Variants in FGF14 observed in about 807,000 individuals in gnomAD.
FGF14 encodes fibroblast growth factor 14, also known as fibroblast growth factor homologous factor 4.
FGF14 carries 5 observed loss-of-function variants against 25.5 expected under a neutral mutation model. The observed-to-expected ratio is 0.20, with a 90% CI of 0.10 to 0.41. FGF14 has a LOEUF of 0.41. FGF14 is among the 10% of genes least tolerant of loss of function. FGF14 has a pLI of 1.00. For missense variants in FGF14, 222 were observed against 320.1 expected (o/e 0.69, Z 2.34); for synonymous variants, 138 against 118.3 (o/e 1.17, Z -1.08).
At chr13:102,219,834 C>T (rs1248763611) in intron 1 of FGF14, among the ~76,000 whole-genome samples, 1 of 152,058 alleles carries the variant, frequency 6.6e-6, no homozygotes, top group East Asian at 1.9e-4. Context: ...GAAACCTAAC[C>T]CAGGGACATT....
chr13:101,758,589 A>T (rs1262429695), intron 3 of FGF14, among the ~76,000 whole-genome samples: 1 of 152,210 alleles, frequency 6.6e-6, no homozygotes, highest in Non-Finnish European at 1.5e-5. Flanking sequence ...AACCATAAAG[A>T]CACAATAACT....
chr13:101,811,641 G>A (rs1215148339), intron 3 of FGF14, among the ~76,000 whole-genome samples: 1 of 152,208 alleles, frequency 6.6e-6, no homozygotes, highest in Non-Finnish European at 1.5e-5. Flanking sequence ...GGACATGATT[G>A]CTGGATTGAT....
intron 1 of FGF14, among the ~76,000 whole-genome samples, chr13:102,277,403 A>G (rs1342771789): frequency 2.0e-5 from 3 of 152,340 alleles, no homozygotes; most frequent in Admixed American, 6.5e-5. Context: ...AGGGCACTCA[A>G]TGCCCTCCCT....
intron 1 of FGF14, among the ~76,000 whole-genome samples, chr13:102,398,303 G>C (rs371275366): frequency 6.6e-6 from 1 of 151,986 alleles, no homozygotes; most frequent in Non-Finnish European, 1.5e-5. Flanking sequence ...CCTTAAATTC[G>C]TAACTCTATT....
chr13:102,123,045 TGGGC>T (rs2045799615), intron 1 of FGF14, among the ~76,000 whole-genome samples: 1 of 152,158 alleles, frequency 6.6e-6, no homozygotes, highest in African/African-American at 2.4e-5. Flanking sequence ...GATTTTAAGA[TGGGC>T]AGCATTACAA....
intron 1 of FGF14, among the ~76,000 whole-genome samples, chr13:101,976,091 CAG>C (rs2037905393): frequency 6.7e-6 from 1 of 150,358 alleles, no homozygotes; most frequent in South Asian, 2.1e-4. Context: ...CTTTAGAAAG[CAG>C]AGAGTTATAC....
intron 3 of FGF14, among the ~76,000 whole-genome samples, chr13:101,728,103 A>G (rs1370706769): frequency 6.6e-6 from 1 of 152,216 alleles, no homozygotes; most frequent in African/African-American, 2.4e-5. Context: ...TTTCCTTTCA[A>G]TATTCCCCAT....
chr13:101,968,621 T>C (rs960549786), intron 1 of FGF14, among the ~76,000 whole-genome samples: 11 of 139,184 alleles, frequency 7.9e-5, no homozygotes, highest in African/African-American at 1.1e-4. Flanking sequence ...TGCAGTGAGC[T>C]GAGATCGTGC....
rs1200284028 is a variant in FGF14 at position 101,875,177 on chromosome 13, G to A, written c.304+9C>T. 1.3e-6 allele frequency: 2 copies of A among 1,592,422 alleles called. No homozygotes were observed. The highest frequency in any genetic ancestry group is 2.7e-5 in the African/African-American group (2 of 74,468). On this transcript the variant is annotated intron_variant, in intron 2 of 4. Transcript: ENST00000376143. ...ACTATGTAACTGGTGGCCTGAGGTT[G>A]TCACTTACTAGAATTAGTGCTGTCA... is the stretch of plus-strand genomic sequence containing the variant.
chr13:102,026,311 A>G (rs758241946), intron 1 of FGF14, among the ~76,000 whole-genome samples: 11 of 152,100 alleles, frequency 7.2e-5, no homozygotes, highest in African/African-American at 9.6e-5. Context: ...TATGGTATAT[A>G]TTCTTTTTAT....
At chr13:102,153,293 G>A (rs1191578106) in intron 1 of FGF14, among the ~76,000 whole-genome samples, 3 of 152,254 alleles carry the variant, frequency 2.0e-5, no homozygotes, top group Non-Finnish European at 4.4e-5. Context: ...CCCCTGATAC[G>A]CATACATATT....
intron 1 of FGF14, among the ~76,000 whole-genome samples, chr13:101,938,375 T>C (rs1322705): frequency 0.049 from 7,453 of 152,332 alleles, 610 homozygotes; most frequent in African/African-American, 0.17. Flanking sequence ...ACATTAATTA[T>C]GATGAACATC....
At chr13:102,320,087 G>A (rs114243193) in intron 1 of FGF14, among the ~76,000 whole-genome samples, 3,625 of 152,090 alleles carry the variant, frequency 0.024, 154 homozygotes, top group African/African-American at 0.082. Context: ...GTGCGTGTGT[G>A]TGCTCCCAAA....
chr13:102,149,227 T>G (rs1039171574), intron 1 of FGF14, among the ~76,000 whole-genome samples: 6 of 151,926 alleles, frequency 3.9e-5, no homozygotes, highest in African/African-American at 1.4e-4. Context: ...AAAATAATTA[T>G]AAATAAATGT....
Position 102,163,838 on chromosome 13 carries a change from C to G in FGF14, c.208+237633G>C, listed in dbSNP as rs189013728. The stretch of plus-strand genomic sequence containing the variant: ...TAAAGAAATAATCAGACTTGCCCCC[C>G]CCAGAAAACATTCTGGAGGCCACTT... On this transcript the variant is annotated intron_variant, in intron 1 of 4. Transcript: ENST00000376131. 5.4e-3 allele frequency among the ~76,000 whole-genome samples: 821 copies of G among 152,104 alleles called. 10 individuals carry two copies. Among genetic ancestry groups the G allele is most frequent in the African/African-American group, 0.017 (720 of 41,506 alleles).
chr13:101,714,339 G>T lies in FGF14; in HGVS notation c.*8492C>A, dbSNP rs919504657. 1.0e-4 allele frequency: 79 copies of T among 764,266 alleles called. No homozygotes were observed. In the East Asian group the frequency reaches 1.9e-3, roughly 18 times the overall value. The allele number at this position is 764,266 out of a possible 1,614,324, so 47.3% of individuals were successfully genotyped here. On this transcript the variant is annotated 3_prime_UTR_variant, in exon 5 of 5. Transcript: ENST00000376143. Reference sequence around the variant, plus strand: ...ATACACTTTTACCTTTGGATGATGGGTTATTAGAAGCCTGTTGTCAGTGTG... The same window carrying T: ...ATACACTTTTACCTTTGGATGATGGTTTATTAGAAGCCTGTTGTCAGTGTG...
intron 1 of FGF14, among the ~76,000 whole-genome samples, chr13:101,904,389 C>CTA (rs1163032273): frequency 6.6e-6 from 1 of 152,018 alleles, no homozygotes; most frequent in East Asian, 1.9e-4. Flanking sequence ...ATCAACAGGC[C>CTA]TATCTCTGGA....
At chr13:102,080,030 C>T (rs556613633) in intron 1 of FGF14, among the ~76,000 whole-genome samples, 4 of 152,130 alleles carry the variant, frequency 2.6e-5, no homozygotes, top group South Asian at 2.1e-4. Context: ...GCATTCATGA[C>T]GCACCGGGCA....
At chr13:101,803,380 T>C (rs2140145941) in intron 3 of FGF14, among the ~76,000 whole-genome samples, 1 of 152,262 alleles carries the variant, frequency 6.6e-6, no homozygotes, top group South Asian at 2.1e-4. Flanking sequence ...TCCTCCTGCC[T>C]TAGCCTCCCA....
Sources: allele counts gnomAD v4.1 joint callset (sites outside exome capture counted in the v4.1 genomes callset), GRCh38; gene constraint gnomAD v4.1.1; transcripts MANE v1.5; gene names NCBI Gene and HGNC (gene_info 2026-07-23, HGNC 2026-07-21).